PHF21B: variants seen among roughly 807,000 people sequenced by gnomAD.
The protein encoded by PHF21B is PHD finger protein 21B, also known as PHD finger protein 4.
PHF21B carries 22 observed loss-of-function variants against 62.2 expected under a neutral mutation model. The observed-to-expected ratio is 0.35, with a 90% CI of 0.25 to 0.51. The LOEUF is 0.51. PHF21B is among the 20% of genes least tolerant of loss of function. PHF21B has a pLI of 0.97. For missense variants in PHF21B, 701 were observed against 707.9 expected, an observed-to-expected ratio of 0.99 and a Z score of 0.11; for synonymous variants, 341 against 314.7, an observed-to-expected ratio of 1.08 and a Z score of -0.88.
chr22:44,946,571 T>C (rs1715969111), intron 2 of PHF21B, among the ~76,000 whole-genome samples: 1 of 151,760 alleles, frequency 6.6e-6, no homozygotes, highest in African/African-American at 2.4e-5. Flanking sequence ...TGGGTGGACA[T>C]ACGGAAGGGT....
chr22:44,998,652 C>T (rs1238518122), intron 2 of PHF21B, among the ~76,000 whole-genome samples: 1 of 152,202 alleles, frequency 6.6e-6, no homozygotes, highest in East Asian at 1.9e-4. Context: ...CTGGGTACAC[C>T]CGTCCAGAGA....
At chr22:44,911,438 T>C (rs919705787) in intron 5 of PHF21B, among the ~76,000 whole-genome samples, 3 of 152,156 alleles carry the variant, frequency 2.0e-5, no homozygotes, top group Non-Finnish European at 2.9e-5. Flanking sequence ...AAATGTTTTC[T>C]TAGGCTGGGC....
chr22:44,986,137 G>A (rs1376049190), intron 2 of PHF21B, among the ~76,000 whole-genome samples: 1 of 110,896 alleles, frequency 9.0e-6, no homozygotes, highest in Non-Finnish European at 1.9e-5. Context: ...ACCAGCAGCA[G>A]CACCACCAAC....
intron 5 of PHF21B, chr22:44,901,850 G>A (rs1051810408): frequency 3.8e-6 from 1 of 266,378 alleles, no homozygotes; most frequent in East Asian, 7.9e-5. Context: ...TCTTGCAACT[G>A]TTACAAACAG....
chr22:44,886,709 C>A (rs1201168962), intron 10 of PHF21B, among the ~76,000 whole-genome samples: 1 of 151,744 alleles, frequency 6.6e-6, no homozygotes, highest in Non-Finnish European at 1.5e-5. Flanking sequence ...AAGGATGTAA[C>A]CCCCGACCCA....
intron 2 of PHF21B, among the ~76,000 whole-genome samples, chr22:44,958,780 T>C (rs1333421855): frequency 6.6e-6 from 1 of 151,904 alleles, no homozygotes; most frequent in Non-Finnish European, 1.5e-5. Context: ...TAATTTTTTA[T>C]TTTTATTTTT....
chr22:44,975,617 C>T (rs2147461152), intron 2 of PHF21B, among the ~76,000 whole-genome samples: 1 of 152,340 alleles, frequency 6.6e-6, no homozygotes, highest in Non-Finnish European at 1.5e-5. Context: ...TCATCTCAGC[C>T]TACGAGGAAG....
chr22:45,001,520 C>T (rs1170596067), intron 2 of PHF21B, among the ~76,000 whole-genome samples: 1 of 152,216 alleles, frequency 6.6e-6, no homozygotes, highest in African/African-American at 2.4e-5. Context: ...TGGGCCTCGA[C>T]AGGTGACTGT....
chr22:44,986,171 G>A (rs1472930584), intron 2 of PHF21B, among the ~76,000 whole-genome samples: 1 of 109,448 alleles, frequency 9.1e-6, no homozygotes, highest in Non-Finnish European at 1.8e-5. Flanking sequence ...CCATCACCAT[G>A]AGCACCCCCA....
At chr22:44,922,768 C>G (rs1479384031) in intron 2 of PHF21B, among the ~76,000 whole-genome samples, 39 of 152,124 alleles carry the variant, frequency 2.6e-4, no homozygotes, top group Admixed American at 2.6e-3. Flanking sequence ...CTGACAATAG[C>G]TATATAAGAC....
chr22:44,908,255 G>T (rs938013470), intron 5 of PHF21B, among the ~76,000 whole-genome samples: 1 of 152,136 alleles, frequency 6.6e-6, no homozygotes, highest in Non-Finnish European at 1.5e-5. Context: ...CACCTCTGAG[G>T]ATCAGTGCCT....
chr22:44,967,217 CTT>C (rs34434030), intron 2 of PHF21B: 199 of 84,726 alleles, frequency 2.3e-3, no homozygotes, highest in African/African-American at 5.3e-3. Context: ...AGGCCTTTTA[CTT>C]TTTTTTTTTT....
intron 1 of PHF21B, chr22:45,008,890 G>T: frequency 2.5e-6 from 3 of 1,176,804 alleles, no homozygotes; most frequent in Non-Finnish European, 2.1e-6. Flanking sequence ...GCAGGCCGGG[G>T]TGCGTGTGCG....
intron 2 of PHF21B, chr22:44,989,601 C>A (rs977345592): frequency 2.2e-5 from 3 of 138,038 alleles, no homozygotes; most frequent in African/African-American, 8.1e-5. Context: ...CACCACAACT[C>A]GACTTTTTTT....
At chr22:44,974,545 T>C (rs574185586) in intron 2 of PHF21B, among the ~76,000 whole-genome samples, 1 of 152,286 alleles carries the variant, frequency 6.6e-6, no homozygotes, top group African/African-American at 2.4e-5. Context: ...CACAAAGTCC[T>C]ACATCCGTGC....
chr22:44,958,551 C>G (rs752845545), intron 2 of PHF21B, among the ~76,000 whole-genome samples: 1 of 150,016 alleles, frequency 6.7e-6, no homozygotes, highest in Non-Finnish European at 1.5e-5. Context: ...GCGTCCTATT[C>G]TACTCTTTGA....
intron 1 of PHF21B, chr22:45,008,818 A>C: frequency 8.5e-7 from 1 of 1,180,988 alleles, no homozygotes; most frequent in Non-Finnish European, 1.0e-6. Flanking sequence ...TCATCGGGGC[A>C]GCTCGCGGGG....
intron 2 of PHF21B, among the ~76,000 whole-genome samples, chr22:44,945,018 G>A (rs1335841187): frequency 1.7e-5 from 2 of 118,556 alleles, no homozygotes; most frequent in Admixed American, 1.2e-4. Flanking sequence ...ACCGGGCTGC[G>A]CCTGCACCTC....
chr22:44,969,698 C>T (rs1215877422), intron 2 of PHF21B, among the ~76,000 whole-genome samples: 1 of 152,058 alleles, frequency 6.6e-6, no homozygotes, highest in East Asian at 1.9e-4. Context: ...AAAAATGGAG[C>T]CATTTGAGGA....
Sources: gnomAD v4.1 joint callset for allele counts (sites outside exome capture counted in the v4.1 genomes callset) on GRCh38, gnomAD v4.1.1 for gene constraint, MANE v1.5 for transcripts, NCBI Gene and HGNC (gene_info 2026-07-23, HGNC 2026-07-21) for gene names.